Variants in ACADM observed in about 807,000 individuals in gnomAD.
ACADM encodes the protein medium-chain specific acyl-CoA dehydrogenase, mitochondrial.
Under a neutral mutation model 58.9 loss-of-function variants are expected in ACADM, and 49 were observed. The observed-to-expected ratio is 0.83, with a 90% CI of 0.66 to 1.06. The LOEUF (loss-of-function observed/expected upper bound fraction) is 1.06, where lower values mean the gene tolerates loss of function less well. Ranked by LOEUF, ACADM falls within the 50% of genes least tolerant of loss-of-function variation. The pLI is 0.00. For synonymous variants in ACADM, 160 were observed against 157.7 expected (o/e 1.01, Z -0.11); for missense variants, 496 against 507.0 (o/e 0.98, Z 0.21).
chr1:75,756,861 T>A (rs964240609), intron 10 of ACADM, among the ~76,000 whole-genome samples: 1 of 152,004 alleles, frequency 6.6e-6, no homozygotes, highest in Non-Finnish European at 1.5e-5. Context: ...CCAAAACAGA[T>A]ATATAGACAA....
At chr1:75,743,813 C>T (rs1647725771) in intron 7 of ACADM, 1 of 1,454,798 alleles carries the variant, frequency 6.9e-7, no homozygotes, top group Non-Finnish European at 9.7e-7. Context: ...TGTGGGGTGG[C>T]CACTGCAACA....
At chr1:75,747,226 A>C (rs1647950204) in intron 8 of ACADM, among the ~76,000 whole-genome samples, 1 of 151,710 alleles carries the variant, frequency 6.6e-6, no homozygotes, top group South Asian at 2.1e-4. Context: ...TAGTAAACTC[A>C]CTCCTGATTT....
At chr1:75,760,264 C>CAAAAAAAAAA (rs764807575) in intron 10 of ACADM, among the ~76,000 whole-genome samples, 27 of 51,158 alleles carry the variant, frequency 5.3e-4, no homozygotes, top group East Asian at 9.8e-4. Flanking sequence ...ACTAAAAATA[C>CAAAAAAAAAA]AAAAAAAAAA....
In ACADM at chr1:75,732,966, A is replaced by C. The variant is rs75792854; in HGVS notation, c.286+44A>C. Reference sequence around the variant, plus strand: ...TTTAATACTGGAATGCATATGAGTAAGAAAAATTGTGGAACTCTACTCAGT... The same window carrying C: ...TTTAATACTGGAATGCATATGAGTACGAAAAATTGTGGAACTCTACTCAGT... On this transcript the variant is annotated intron_variant, in intron 4 of 11. Transcript: ENST00000370841. 2,313 of 1,613,116 alleles carry C rather than the reference A, an allele frequency of 1.4e-3. 28 individuals carry two copies. In the African/African-American group the frequency reaches 0.027, roughly 19 times the overall value.
At chr1:75,745,420 A>C (rs1474219668) in intron 7 of ACADM, 2 of 192,922 alleles carry the variant, frequency 1.0e-5, no homozygotes, top group Non-Finnish European at 2.2e-5. Context: ...GGGGAAGTCG[A>C]GACTGCAGTG....
intron 10 of ACADM, among the ~76,000 whole-genome samples, chr1:75,752,684 T>C (rs1648271826): frequency 6.6e-6 from 1 of 152,248 alleles, no homozygotes. Context: ...TTTCCTTTTT[T>C]CTCATTAATC....
intron 7 of ACADM, chr1:75,743,664 A>G (rs1570882753): frequency 6.8e-7 from 1 of 1,475,034 alleles, no homozygotes; most frequent in Non-Finnish European, 9.5e-7. Context: ...CTCCATTGCT[A>G]ATGGTGAAGG....
chr1:75,731,795 C>A (rs1362659878), intron 2 of ACADM, among the ~76,000 whole-genome samples: 1 of 151,986 alleles, frequency 6.6e-6, no homozygotes, highest in African/African-American at 2.4e-5. Flanking sequence ...GAGACCACGG[C>A]AGGAGGATTG....
rs979173391 is a variant in ACADM, at chr1:75,739,858, T to G, written c.469-122T>G. On this transcript the variant is annotated intron_variant, in intron 6 of 11. Coordinates refer to ENST00000370841, the MANE Select transcript of ACADM (RefSeq NM_000016.6). ...TTTCTTTGATTTTGTAAGAACATTT[T>G]AATTTTAGATATTTAAAAATATTTA... 4.1e-5 allele frequency: 29 copies of G among 711,122 alleles called. No homozygotes were observed. The Admixed American group carries it at 1.1e-3, about 26-fold the overall frequency. 44.1% of individuals were successfully genotyped at this position (711,122 alleles called of 1,614,324 possible).
chr1:75,745,770 ATAT>A (rs1436644211), intron 7 of ACADM, 33 bp from the exon 8 acceptor site: 8 of 1,450,004 alleles, frequency 5.5e-6, no homozygotes, highest in Admixed American at 3.3e-5. Context: ...TTATTTGCCG[ATAT>A]TATCACCATT....
rs760892123 is a variant in ACADM at position 75,762,744 on chromosome 1, T to C, written c.1247T>C (p.Ile416Thr). The C allele has an allele frequency of 2.6e-5, 41 of 1,604,486 alleles. No individual in the cohort carries two copies. Among genetic ancestry groups the C allele is most frequent in the African/African-American group, 8.0e-5 (6 of 74,714 alleles). Residue 416 changes from isoleucine (I) to threonine (T), a missense_variant, in exon 12 of 12, where the codon ATT becomes ACT. Physicochemically the swap from Ile to Thr is moderately conservative, Grantham distance 89. Transcript: ENST00000370841. ...IQRLIVAREH[I>T]DKYKN ...AGACTTATTGTAGCCCGTGAACACA[T>C]TGACAAGTACAAAAATTAAAAAAAT...
chr1:75,747,624 A>G (rs992157263), intron 8 of ACADM, among the ~76,000 whole-genome samples: 2 of 152,180 alleles, frequency 1.3e-5, no homozygotes, highest in Non-Finnish European at 2.9e-5. Context: ...TACCTCTACA[A>G]AAAAATTTGA....
intron 2 of ACADM, 47 bp downstream of exon 2, chr1:75,728,535 G>A (rs377330041): frequency 1.0e-4 from 125 of 1,255,102 alleles, no homozygotes; most frequent in African/African-American, 3.1e-5. Flanking sequence ...TACATATGAA[G>A]CTTTATATGT....
chr1:75,739,049 G>A lies in ACADM; in HGVS notation c.469-931G>A, dbSNP rs138821111. Among the ~76,000 whole-genome samples, 33 of 152,206 alleles carry A rather than the reference G, an allele frequency of 2.2e-4. No homozygotes were observed. The East Asian group carries it at 6.2e-3, about 28-fold the overall frequency. On this transcript the variant is annotated intron_variant, in intron 6 of 11. Transcript: ENST00000370841. Reference sequence around the variant, plus strand: ...CTTACATGCACAGAATTTACATACTGTGGAACTCTGGTACTTTCAGCATTA... The same window carrying A: ...CTTACATGCACAGAATTTACATACTATGGAACTCTGGTACTTTCAGCATTA...
At chr1:75,747,118 C>A (rs998027089) in intron 8 of ACADM, among the ~76,000 whole-genome samples, 1 of 152,076 alleles carries the variant, frequency 6.6e-6, no homozygotes, top group Non-Finnish European at 1.5e-5. Flanking sequence ...TATAACAGAT[C>A]ATGTTTCTGT....
At chr1:75,758,803 A>G (rs1648657665) in intron 10 of ACADM, among the ~76,000 whole-genome samples, 1 of 146,334 alleles carries the variant, frequency 6.8e-6, no homozygotes, top group Non-Finnish European at 1.5e-5. Flanking sequence ...CACTCTGTAA[A>G]ATGGACCAAC....
At chr1:75,762,525 G>A (rs1284817474) in intron 11 of ACADM, among the ~76,000 whole-genome samples, 167 bp from the exon 12 acceptor site, 1 of 151,910 alleles carries the variant, frequency 6.6e-6, no homozygotes, top group Non-Finnish European at 1.5e-5. Flanking sequence ...CATATTTTCA[G>A]ACTTTCACAA....
chr1:75,730,069 A>G (rs1647124249), intron 2 of ACADM, among the ~76,000 whole-genome samples: 1 of 151,524 alleles, frequency 6.6e-6, no homozygotes, highest in Non-Finnish European at 1.5e-5. Context: ...TAATTTTTAT[A>G]TTATTAGTAG....
At chr1:75,731,932 AT>A (rs1022126007) in intron 2 of ACADM, among the ~76,000 whole-genome samples, 1 of 152,162 alleles carries the variant, frequency 6.6e-6, no homozygotes, top group African/African-American at 2.4e-5. Flanking sequence ...TGGGAGAATC[AT>A]TTGAGCCCAG....
Sources: allele counts gnomAD v4.1 joint callset (sites outside exome capture counted in the v4.1 genomes callset), GRCh38; gene constraint gnomAD v4.1.1; transcripts MANE v1.5; gene names NCBI Gene and HGNC (gene_info 2026-07-23, HGNC 2026-07-21).